The following GOLT1A variants were observed in gnomAD, a reference collection of about 807,000 sequenced individuals.
The protein encoded by GOLT1A is golgi transport 1A, also known as vesicle transport protein GOT1A.
GOLT1A carries 10 observed loss-of-function variants against 16.1 expected under a neutral mutation model. The ratio of observed to expected loss-of-function variants is 0.62; its 90% CI spans 0.38 to 1.05. The LOEUF (loss-of-function observed/expected upper bound fraction) is 1.05. Ranked by LOEUF, GOLT1A falls within the 50% of genes least tolerant of loss-of-function variation. GOLT1A has a pLI of 0.01. For synonymous variants in GOLT1A, 60 were observed against 67.9 expected (o/e 0.88, Z 0.57); for missense variants, 137 against 165.7 (o/e 0.83, Z 0.95).
intron 2 of GOLT1A, among the ~76,000 whole-genome samples, chr1:204,202,082 A>C (rs1048032854): frequency 8.6e-5 from 13 of 152,046 alleles, no homozygotes; most frequent in Admixed American, 3.3e-4. Context: ...AGCATTTTTC[A>C]TATGGGACTT....
At chr1:204,209,265 C>G (rs1040775413) in intron 1 of GOLT1A, among the ~76,000 whole-genome samples, 1 of 152,142 alleles carries the variant, frequency 6.6e-6, no homozygotes, top group Admixed American at 6.5e-5. Flanking sequence ...GTCAATTTGC[C>G]CCATAGCTGA....
intron 1 of GOLT1A, among the ~76,000 whole-genome samples, chr1:204,210,817 T>C (rs1433549192): frequency 6.6e-6 from 1 of 152,222 alleles, no homozygotes; most frequent in Non-Finnish European, 1.5e-5. Flanking sequence ...AACTCATATC[T>C]AGCTGCTTAC....
intron 2 of GOLT1A, 56 bp from the exon 3 acceptor site, chr1:204,201,867 G>T (rs2102335741): frequency 6.5e-7 from 1 of 1,538,394 alleles, no homozygotes. Flanking sequence ...GAGGAGTGAG[G>T]GACTTAGGCC....
rs749540621 is a variant in GOLT1A, at chr1:204,198,305, G to A, written c.*153C>T. ...TCTTGAGTCGACTTGGGGATTTGAC[G>A]TCAGTTGCTCAGCTCCATTCCTTCC... is the stretch of plus-strand genomic sequence containing the variant. On this transcript the variant is annotated 3_prime_UTR_variant, in exon 5 of 5. Transcript: ENST00000308302. 54 of 678,610 alleles carry A rather than the reference G, an allele frequency of 8.0e-5. No individual in the cohort carries two copies. The highest frequency in any genetic ancestry group is 1.1e-4 in the Non-Finnish European group (45 of 400,000). 42.0% of individuals were successfully genotyped at this position (678,610 alleles called of 1,614,324 possible). A position where few individuals can be genotyped will look rare whatever the true frequency, so the allele number is the denominator to read the frequency against.
intron 1 of GOLT1A, among the ~76,000 whole-genome samples, chr1:204,206,100 A>C (rs1200542733): frequency 6.6e-6 from 1 of 152,206 alleles, no homozygotes; most frequent in Non-Finnish European, 1.5e-5. Context: ...AAATACAGTG[A>C]TAAGATCTAG....
intron 1 of GOLT1A, among the ~76,000 whole-genome samples, chr1:204,208,040 C>T (rs1369899896): frequency 6.6e-6 from 1 of 152,134 alleles, no homozygotes; most frequent in African/African-American, 2.4e-5. Flanking sequence ...GAACAGGGAA[C>T]ACTTCTACAC....
intron 1 of GOLT1A, among the ~76,000 whole-genome samples, chr1:204,209,077 T>C (rs1659100999): frequency 6.6e-6 from 1 of 152,226 alleles, no homozygotes; most frequent in Non-Finnish European, 1.5e-5. Flanking sequence ...CCTTGGTCTT[T>C]CCTTGGCATG....
rs1286137527 is a variant in GOLT1A, at chr1:204,201,764, G to C, written c.165C>G (p.Thr55=). The C allele has an allele frequency of 1.9e-6, 3 of 1,614,034 alleles. No homozygotes were observed. The highest frequency in any genetic ancestry group is 2.5e-6 in the Non-Finnish European group (3 of 1,180,038). ...TGTGCCGTTGGAAGAAGAACCAAAAGGTCTTCCTCAGGCCAATGATGAGGG... is the reference window on the plus strand; with the variant it reads ...TGTGCCGTTGGAAGAAGAACCAAAACGTCTTCCTCAGGCCAATGATGAGGG... ...GLSLIIGLRK[T]FWFFFQRHKL... is the part of the protein sequence containing the mutation. The change falls in exon 3 of 5, where the codon ACC becomes ACG. Residue 55 remains threonine, a synonymous_variant. Coordinates refer to ENST00000308302, the MANE Select transcript of GOLT1A (RefSeq NM_198447.2).
At chr1:204,213,284 T>C (rs1659166861) in intron 1 of GOLT1A, among the ~76,000 whole-genome samples, 2 of 152,126 alleles carry the variant, frequency 1.3e-5, no homozygotes. Flanking sequence ...ATCTGTTGAG[T>C]GAACAAAAGA....
At chr1:204,213,834 G>A (rs776910068) in intron 1 of GOLT1A, 48 bp downstream of exon 1, 1 of 1,603,544 alleles carries the variant, frequency 6.2e-7, no homozygotes, top group South Asian at 1.1e-5. Flanking sequence ...CCAGCCGGCA[G>A]GGAGCCTGGC....
chr1:204,207,563 G>A (rs1369078746), intron 1 of GOLT1A, among the ~76,000 whole-genome samples: 1 of 152,196 alleles, frequency 6.6e-6, no homozygotes, highest in Non-Finnish European at 1.5e-5. Flanking sequence ...GAAAAGCCAG[G>A]TTCAATGTCT....
chr1:204,198,167 C>G lies in GOLT1A; in HGVS notation c.*291G>C, dbSNP rs953089866. 5 of 383,186 alleles carry G rather than the reference C, an allele frequency of 1.3e-5. No individual in the cohort carries two copies. The highest frequency in any genetic ancestry group is 1.1e-4 in the African/African-American group (5 of 47,016). 23.7% of individuals were successfully genotyped at this position (383,186 alleles called of 1,614,324 possible). A position where few individuals can be genotyped will look rare whatever the true frequency, so the allele number is the denominator to read the frequency against. ...ACGCCAACTCTGAGCCTTAGACACA[C>G]GCACAACTTGGGAATTTAATCTTCA... is the stretch of plus-strand genomic sequence containing the variant. On this transcript the variant is annotated 3_prime_UTR_variant, in exon 5 of 5. Coordinates refer to ENST00000308302, the MANE Select transcript of GOLT1A (RefSeq NM_198447.2).
intron 1 of GOLT1A, among the ~76,000 whole-genome samples, chr1:204,204,778 C>A (rs1160630836): frequency 6.6e-6 from 1 of 152,226 alleles, no homozygotes; most frequent in East Asian, 1.9e-4. Context: ...ATTTAACATT[C>A]CCAGCAACAG....
Position 204,205,212 on chromosome 1 carries a change from T to C in GOLT1A, c.26-2225A>G, listed in dbSNP as rs147324502. Among the ~76,000 whole-genome samples the C allele has an allele frequency of 3.7e-3, 566 of 152,368 alleles. 1 individual carries two copies. The highest frequency in any genetic ancestry group is 0.013 in the African/African-American group (531 of 41,594). On this transcript the variant is annotated intron_variant, in intron 1 of 4. Transcript: ENST00000308302. ...TTTCTTTTGTTGTCTGTGCTTTTCA[T>C]GTCATAACCTAGAAATCATTATCAA...
chr1:204,203,748 G>C (rs1032254233), intron 1 of GOLT1A, among the ~76,000 whole-genome samples: 1 of 151,574 alleles, frequency 6.6e-6, no homozygotes, highest in African/African-American at 2.4e-5. Context: ...GTGGCTTTGG[G>C]CAGTTCTGCC....
chr1:204,200,299 G>GTGTGTATATATATATATATATATATA lies in GOLT1A; in HGVS notation c.297-1042_297-1041insTATATATATATATATATATATACACA. Among the ~76,000 whole-genome samples, 294 of 82,520 alleles carry GTGTGTATATATATATATATATATATA rather than the reference G, an allele frequency of 3.6e-3. 3 individuals are homozygous for GTGTGTATATATATATATATATATATA. Among genetic ancestry groups the GTGTGTATATATATATATATATATATA allele is most frequent in the African/African-American group, 9.3e-3 (167 of 17,962 alleles). 54.1% of individuals were successfully genotyped at this position (82,520 alleles called of 152,430 possible). A position where few individuals can be genotyped will look rare whatever the true frequency, so the allele number is the denominator to read the frequency against. On this transcript the variant is annotated intron_variant, in intron 3 of 4. Transcript: ENST00000308302. ...GACTGTTTGAAAATGACATATATGT[G>GTGTGTATATATATATATATATATATA]TATATATATATATATATATATGTTT... is the stretch of plus-strand genomic sequence containing the variant.
At chr1:204,202,862 C>T (rs368256329) in intron 2 of GOLT1A, 34 bp downstream of exon 2, 23 of 1,485,552 alleles carry the variant, frequency 1.5e-5, no homozygotes, top group Non-Finnish European at 2.2e-5. Flanking sequence ...AAGGTTGGGG[C>T]AGGGGAGTGG....
At chr1:204,209,782 C>T (rs1219902147) in intron 1 of GOLT1A, among the ~76,000 whole-genome samples, 2 of 152,174 alleles carry the variant, frequency 1.3e-5, no homozygotes, top group East Asian at 1.9e-4. Flanking sequence ...TGGGCAGGCA[C>T]GGTGGTTTAC....
Position 204,202,923 on chromosome 1 carries a change from A to C in GOLT1A, c.90T>G (p.Phe30Leu). The change falls in exon 2 of 5, where the codon TTT becomes TTG. Residue 30 changes from phenylalanine to leucine, a missense_variant. Physicochemically the swap from Phe to Leu is conservative, Grantham distance 22. Transcript: ENST00000308302. ...FFILFGTLLY[F>L]DSVLLAFGNL... ...TTCCAAAGGCCAGGAGCACGGAATC[A>C]AAGTACAGGAGTGTTCCAAAGAGGA... The C allele has an allele frequency of 1.2e-6, 2 of 1,614,156 alleles. No individual in the cohort carries two copies. The highest frequency in any genetic ancestry group is 2.7e-5 in the African/African-American group (2 of 75,054).
Sources: gnomAD v4.1 joint callset for allele counts (sites outside exome capture counted in the v4.1 genomes callset) on GRCh38, gnomAD v4.1.1 for gene constraint, MANE v1.5 for transcripts, NCBI Gene and HGNC (gene_info 2026-07-23, HGNC 2026-07-21) for gene names.